KCNA2: variants seen among roughly 807,000 people sequenced by gnomAD.
KCNA2 encodes potassium channel, voltage gated shaker related subfamily A, member 2.
In KCNA2, 11 loss-of-function variants were observed where a neutral mutation model predicts 33.4. The ratio of observed to expected loss-of-function variants is 0.33; its 90% confidence interval spans 0.21 to 0.55. KCNA2 has a LOEUF of 0.55. Among genes scored for constraint, KCNA2 ranks in the 20% least tolerant of loss-of-function variants. The probability of loss-of-function intolerance (pLI) is 0.93; values close to 1 mark genes in which losing one functional copy is unlikely to be tolerated. For synonymous variants in KCNA2, 222 were observed against 231.3 expected (o/e 0.96, Z 0.37); for missense variants, 291 against 621.6 (o/e 0.47, Z 5.66).
intron 1 of KCNA2, among the ~76,000 whole-genome samples, chr1:110,619,399 A>T (rs1019273284): frequency 1.3e-5 from 2 of 152,242 alleles, no homozygotes; most frequent in Non-Finnish European, 2.9e-5. Flanking sequence ...CTCGGCTATG[A>T]AATCTGCTCC....
In KCNA2 at chr1:110,595,462, G is replaced by A. The variant is rs1649055281; in HGVS notation, c.*7821C>T. 4.1e-6 allele frequency: 4 copies of A among 985,422 alleles called. No homozygotes were observed. Among genetic ancestry groups the A allele is most frequent in the Non-Finnish European group, 4.8e-6 (4 of 829,968 alleles). 61.0% of individuals were successfully genotyped at this position (985,422 alleles called of 1,614,324 possible). A position where few individuals can be genotyped will look rare whatever the true frequency, so the allele number is the denominator to read the frequency against. ...ATAGCCAGACTGGAGGGCTTCTGTG[G>A]GTGTGGGGAGATGGCAGACACCCCT... On this transcript the variant is annotated 3_prime_UTR_variant, in exon 3 of 3. Transcript: ENST00000316361.
intron 1 of KCNA2, among the ~76,000 whole-genome samples, chr1:110,622,734 A>G (rs151032835): frequency 1.9e-3 from 285 of 152,304 alleles, no homozygotes; most frequent in African/African-American, 6.6e-3. Flanking sequence ...CCCCATTTAC[A>G]ATAGCATTAA....
At chr1:110,614,104 C>T (rs958280393) in intron 1 of KCNA2, among the ~76,000 whole-genome samples, 1 of 152,176 alleles carries the variant, frequency 6.6e-6, no homozygotes, top group Admixed American at 6.5e-5. Context: ...ATTCTTCCTC[C>T]CCTCCCCTGC....
chr1:110,608,986 A>G (rs1649774072), upstream of KCNA2, among the ~76,000 whole-genome samples: 1 of 152,042 alleles, frequency 6.6e-6, no homozygotes, highest in African/African-American at 2.4e-5. Context: ...TAGGCTCCCA[A>G]TCACCAGGTC....
chr1:110,600,934 G>A lies in KCNA2; in HGVS notation c.*2349C>T. On this transcript the variant is annotated 3_prime_UTR_variant, in exon 3 of 3. Coordinates refer to ENST00000316361, the MANE Select transcript of KCNA2 (RefSeq NM_004974.4). The stretch of plus-strand genomic sequence containing the variant: ...CTAACTAGGCAGCAGTGAGGCCTGG[G>A]CTGGAGCCACCCCTGCATAGCCCGA... 1 of 985,524 alleles carries A rather than the reference G, an allele frequency of 1.0e-6. No homozygotes were observed. The highest frequency in any genetic ancestry group is 1.2e-6 in the Non-Finnish European group (1 of 830,008). The allele number at this position is 985,524 out of a possible 1,614,324, so 61.0% of individuals were successfully genotyped here.
chr1:110,611,760 T>C (rs1557736576), intron 1 of KCNA2, among the ~76,000 whole-genome samples: 2 of 147,782 alleles, frequency 1.4e-5, no homozygotes, highest in African/African-American at 5.0e-5. Flanking sequence ...TAGTGGTCCA[T>C]GCCTGTAATT....
At chr1:110,628,463 G>A (rs745565002) in intron 1 of KCNA2, among the ~76,000 whole-genome samples, 18 of 152,200 alleles carry the variant, frequency 1.2e-4, no homozygotes, top group Admixed American at 1.1e-3. Flanking sequence ...TTTCCACTTG[G>A]TGACAGTACT....
Position 110,601,978 on chromosome 1 carries a change from C to A in KCNA2, c.*1305G>T. ...TTCTATCACTAGCTAGGTAGAGGAA[C>A]GCGTGAAAGAGAGATACTCGATATA... On this transcript the variant is annotated 3_prime_UTR_variant, in exon 3 of 3. Transcript: ENST00000316361. 6.6e-7 allele frequency: 1 copy of A among 1,526,030 alleles called. No individual in the cohort carries two copies. The highest frequency in any genetic ancestry group is 8.8e-7 in the Non-Finnish European group (1 of 1,131,332). The allele number at this position is 1,526,030 out of a possible 1,614,324, so 94.5% of individuals were successfully genotyped here.
Position 110,600,257 on chromosome 1 carries a change from T to C in KCNA2, c.*3026A>G. The C allele has an allele frequency of 1.0e-6, 1 of 982,114 alleles. No individual in the cohort carries two copies. The highest frequency in any genetic ancestry group is 1.8e-5 in the African/African-American group (1 of 55,940). The allele number at this position is 982,114 out of a possible 1,614,324, so 60.8% of individuals were successfully genotyped here. On this transcript the variant is annotated 3_prime_UTR_variant, in exon 3 of 3. Transcript: ENST00000316361. ...TGCTATGTATCTTGTATGCCTATTA[T>C]AAGTTAATGCATCGTGTGTATATAC...
intron 1 of KCNA2, among the ~76,000 whole-genome samples, chr1:110,622,495 A>G (rs1650285655): frequency 6.6e-6 from 1 of 152,106 alleles, no homozygotes; most frequent in Admixed American, 6.5e-5. Flanking sequence ...TACCCAGCAC[A>G]ATAAGGTAAG....
rs910812142 is a variant in KCNA2, at chr1:110,598,617, T to G, written c.*4666A>C. On this transcript the variant is annotated 3_prime_UTR_variant, in exon 3 of 3. Coordinates refer to ENST00000316361, the MANE Select transcript of KCNA2 (RefSeq NM_004974.4). ...CCCAGGCTGGGGTCTCAGGCCATCA[T>G]AGCTTCCATGGGAGCCCTTTCCATA... 121 of 985,336 alleles carry G rather than the reference T, an allele frequency of 1.2e-4. No individual in the cohort carries two copies. Among genetic ancestry groups the G allele is most frequent in the Middle Eastern group, 5.2e-4 (1 of 1,914 alleles). The allele number at this position is 985,336 out of a possible 1,614,324, so 61.0% of individuals were successfully genotyped here.
At chr1:110,620,053 C>CGA (rs3050013) in intron 1 of KCNA2, among the ~76,000 whole-genome samples, 16,460 of 126,332 alleles carry the variant, frequency 0.13, 1,125 homozygotes, top group African/African-American at 0.21. Flanking sequence ...AGAGCGAGAG[C>CGA]GAGAGAGAGA....
At position 110,595,308 on chromosome 1, in the gene KCNA2, C is replaced by T. The variant is rs1570744599; in HGVS notation, c.*7975G>A. The T allele has an allele frequency of 1.0e-6, 1 of 985,422 alleles. No homozygotes were observed. The highest frequency in any genetic ancestry group is 6.1e-5 in the Admixed American group (1 of 16,280). The allele number at this position is 985,422 out of a possible 1,614,324, so 61.0% of individuals were successfully genotyped here. ...TGCAGAGGAGCACAGAAAGTTATAT[C>T]CATTTCCATGCTGAGGTTCATGAAG... On this transcript the variant is annotated 3_prime_UTR_variant, in exon 3 of 3. Transcript: ENST00000316361.
intron 2 of KCNA2, 144 bp from the exon 3 acceptor site, chr1:110,605,089 C>T (rs2101406373): frequency 2.4e-6 from 1 of 415,992 alleles, no homozygotes; most frequent in South Asian, 3.9e-5. Context: ...AATTTACTTT[C>T]ACCTTGTAAC....
At position 110,595,568 on chromosome 1, in the gene KCNA2, G is replaced by A; in HGVS notation, c.*7715C>T. On this transcript the variant is annotated 3_prime_UTR_variant, in exon 3 of 3. Transcript: ENST00000316361. Reference sequence around the variant, plus strand: ...TAGAAAGCAACAGTCAAATGCAAGAGGTGAGGCTGAGAGAAACTGTCTTCC... The same window carrying A: ...TAGAAAGCAACAGTCAAATGCAAGAAGTGAGGCTGAGAGAAACTGTCTTCC... The A allele has an allele frequency of 1.0e-6, 1 of 985,474 alleles. No individual in the cohort carries two copies. The highest frequency in any genetic ancestry group is 4.7e-5 in the South Asian group (1 of 21,294). The allele number at this position is 985,474 out of a possible 1,614,324, so 61.0% of individuals were successfully genotyped here.
chr1:110,606,519 G>C (rs1649633061), upstream of KCNA2: 1 of 152,274 alleles, frequency 6.6e-6, no homozygotes, highest in Non-Finnish European at 1.5e-5. Context: ...CTCCGGCCGG[G>C]ATTCCGTTCG....
rs1289420476 is a variant in KCNA2, at chr1:110,606,300, C to T, written c.-568G>A. ...GCATTTGAGCTGGGCAGGCGCTCGA[C>T]CACTGATTTCTCCCCCAAGAGAAAA... On this transcript the variant is annotated 5_prime_UTR_variant, in exon 1 of 3. Coordinates refer to ENST00000316361, the MANE Select transcript of KCNA2 (RefSeq NM_004974.4). 1 of 152,314 alleles carries T rather than the reference C, an allele frequency of 6.6e-6. No individual in the cohort carries two copies. The highest frequency in any genetic ancestry group is 2.4e-5 in the African/African-American group (1 of 41,476). 9.4% of individuals were successfully genotyped at this position (152,314 alleles called of 1,614,324 possible).
intron 1 of KCNA2, among the ~76,000 whole-genome samples, chr1:110,630,697 C>T (rs1172404975): frequency 6.6e-6 from 1 of 152,192 alleles, no homozygotes; most frequent in Non-Finnish European, 1.5e-5. Context: ...AGACACTAAG[C>T]ACCTACTTTG....
At chr1:110,617,315 G>A (rs1650097538) in intron 1 of KCNA2, among the ~76,000 whole-genome samples, 2 of 152,208 alleles carry the variant, frequency 1.3e-5, no homozygotes, top group Non-Finnish European at 2.9e-5. Flanking sequence ...CCTGTGCCAG[G>A]GACTCTGCGC....
Sources: gnomAD v4.1 joint callset for allele counts (sites outside exome capture counted in the v4.1 genomes callset) on GRCh38, gnomAD v4.1.1 for gene constraint, MANE v1.5 for transcripts, NCBI Gene and HGNC (gene_info 2026-07-23, HGNC 2026-07-21) for gene names.